The following POSTN variants were observed in gnomAD, a reference collection of about 807,000 sequenced individuals.
POSTN encodes the protein osteoblast specific factor 2 (fasciclin I-like).
POSTN carries 71 observed loss-of-function variants against 104.5 expected under a neutral mutation model. That is an observed-to-expected ratio of 0.68 (90% CI 0.56 to 0.83). The LOEUF (loss-of-function observed/expected upper bound fraction) is 0.83. Ranked by LOEUF, POSTN falls within the 40% of genes least tolerant of loss-of-function variation. The pLI is 0.00. For synonymous variants in POSTN, 355 were observed against 340.7 expected, an observed-to-expected ratio of 1.04 and a Z score of -0.46; for missense variants, 949 against 1,006.8, an observed-to-expected ratio of 0.94 and a Z score of 0.78.
At chr13:37,565,234 T>C (rs1413096163) in intron 21 of POSTN, 1 of 152,056 alleles carries the variant, frequency 6.6e-6, no homozygotes, top group East Asian at 1.9e-4. Flanking sequence ...TATGCTGTTT[T>C]GTGTTGTTAT....
At position 37,567,235 on chromosome 13, in the gene POSTN, C is replaced by CAA. The variant is rs71093694; in HGVS notation, c.2431+2063_2431+2064dup. 2.2e-4 allele frequency among the ~76,000 whole-genome samples: 8 copies of CAA among 36,920 alleles called. 1 individual carries two copies. The highest frequency in any genetic ancestry group is 0.033 in the Middle Eastern group (2 of 60). The allele number at this position is 36,920 out of a possible 152,430, so 24.2% of individuals were successfully genotyped here. On this transcript the variant is annotated intron_variant, in intron 21 of 22. Transcript: ENST00000379747. ...TGGGCGACAGAGCGAGACTCCGTCTCAAAAAAAAAAAAAAAAAATGTACTA... is the reference window on the plus strand; with the variant it reads ...TGGGCGACAGAGCGAGACTCCGTCTCAAAAAAAAAAAAAAAAAAAATGTACTA...
At position 37,590,505 on chromosome 13, in the gene POSTN, C is replaced by T. The variant is rs1166394324; in HGVS notation, c.308G>A (p.Gly103Asp). Residue 103 changes from glycine to aspartate, a missense_variant, in exon 4 of 23, where the codon GGC becomes GAC. Physicochemically the swap from Gly to Asp is moderately conservative, Grantham distance 94. Transcript: ENST00000379747. ...PAVLPIDHVY[G>D]TLGIVGATTT... The stretch of plus-strand genomic sequence containing the variant: ...GGTGGCTCCCACGATGCCCAGAGTG[C>T]CATAAACATGGTCAATGGGCAAAAC... The T allele has an allele frequency of 3.7e-6, 6 of 1,612,154 alleles. No homozygotes were observed. The highest frequency in any genetic ancestry group is 5.1e-6 in the Non-Finnish European group (6 of 1,178,874).
chr13:37,593,390 C>A (rs1204796360), intron 2 of POSTN, among the ~76,000 whole-genome samples: 2 of 150,730 alleles, frequency 1.3e-5, no homozygotes, highest in African/African-American at 4.9e-5. Context: ...ACATAGGTAG[C>A]CTATTTTAAC....
rs2138196689 is a variant in POSTN, at chr13:37,572,537, A to G, written c.2090-1079T>C. On this transcript the variant is annotated intron_variant, in intron 17 of 22. Transcript: ENST00000379747. ...AAAAATGCGTTAATAAAATATCTAAATCAATATTTCTTTAGAAAAGCCAAA... is the reference window on the plus strand; with the variant it reads ...AAAAATGCGTTAATAAAATATCTAAGTCAATATTTCTTTAGAAAAGCCAAA... 1.3e-5 allele frequency among the ~76,000 whole-genome samples: 2 copies of G among 151,746 alleles called. 1 individual carries two copies. The highest frequency in any genetic ancestry group is 4.1e-4 in the South Asian group (2 of 4,834).
intron 1 of POSTN, among the ~76,000 whole-genome samples, chr13:37,597,718 T>C (rs528731698): frequency 4.6e-5 from 7 of 152,164 alleles, no homozygotes; most frequent in Non-Finnish European, 8.8e-5. Context: ...ACAAGGTTTA[T>C]TATGTACACA....
chr13:37,590,945 C>G (rs2138367097), intron 3 of POSTN, among the ~76,000 whole-genome samples: 1 of 152,220 alleles, frequency 6.6e-6, no homozygotes, highest in African/African-American at 2.4e-5. Flanking sequence ...TTAAAATATT[C>G]AATCCTTCCA....
chr13:37,571,571 T>C, intron 17 of POSTN, 113 bp from the exon 18 acceptor site: 2 of 703,934 alleles, frequency 2.8e-6, no homozygotes, highest in Non-Finnish European at 4.7e-6. Flanking sequence ...GTCAAAGTGG[T>C]TTCAGGCTCT....
At chr13:37,571,638 A>G (rs1950265721) in intron 17 of POSTN, 180 bp from the exon 18 acceptor site, 2 of 506,018 alleles carry the variant, frequency 4.0e-6, no homozygotes, top group Non-Finnish European at 6.9e-6. Flanking sequence ...AGTTATGAGA[A>G]CAAATGATTT....
chr13:37,585,474 G>A (rs1368447210), intron 7 of POSTN, among the ~76,000 whole-genome samples: 1 of 152,200 alleles, frequency 6.6e-6, no homozygotes, highest in Non-Finnish European at 1.5e-5. Context: ...TATATAACAT[G>A]TAATGAGGTC....
At chr13:37,580,084 G>A in intron 11 of POSTN, 93 bp from the exon 12 acceptor site, 1 of 1,210,754 alleles carries the variant, frequency 8.3e-7, no homozygotes, top group South Asian at 1.6e-5. Flanking sequence ...CATGTATTGT[G>A]GAAAGCATGA....
chr13:37,577,581 G>T (rs945663889), intron 16 of POSTN, among the ~76,000 whole-genome samples, 172 bp downstream of exon 16: 5 of 152,092 alleles, frequency 3.3e-5, no homozygotes, highest in African/African-American at 1.2e-4. Context: ...GAAGTTCATT[G>T]GAGTTGAAGG....
chr13:37,590,947 A>G (rs561503949), intron 3 of POSTN, among the ~76,000 whole-genome samples: 7 of 152,284 alleles, frequency 4.6e-5, no homozygotes, highest in South Asian at 4.1e-4. Context: ...AAAATATTCA[A>G]TCCTTCCAGA....
chr13:37,587,045 A>C, intron 5 of POSTN, 117 bp from the exon 6 acceptor site: 2 of 843,836 alleles, frequency 2.4e-6, no homozygotes, highest in Non-Finnish European at 3.7e-6. Flanking sequence ...ACAGGAAACT[A>C]CATTGTAAAT....
chr13:37,580,105 C>A, intron 11 of POSTN, 114 bp from the exon 12 acceptor site: 1 of 925,372 alleles, frequency 1.1e-6, no homozygotes. Context: ...GAGAACTGCT[C>A]ATACATTTTC....
intron 3 of POSTN, among the ~76,000 whole-genome samples, chr13:37,591,391 C>T (rs1333687354): frequency 6.6e-6 from 1 of 152,052 alleles, no homozygotes. Flanking sequence ...CAAGGTGTCC[C>T]CAAATCAGGT....
chr13:37,579,437 T>C, intron 12 of POSTN, 78 bp from the exon 13 acceptor site: 1 of 1,174,022 alleles, frequency 8.5e-7, no homozygotes. Context: ...CACTTATTAG[T>C]CTTTATCTTT....
Position 37,574,616 on chromosome 13 carries a change from AT to A in POSTN, c.2044del (p.Ile682LeufsTer3). On this transcript the variant is annotated frameshift_variant, in exon 17 of 23. Coordinates refer to ENST00000379747, the MANE Select transcript of POSTN (RefSeq NM_006475.3). LOFTEE classifies it high-confidence loss of function. Reference protein sequence around the residue: ...KIITKVVEPKIKVIEGSLQPI... With the variant: ...KIITKVVEPKXKVIEGSLQPI... The stretch of plus-strand genomic sequence containing the variant: ...CTGAAGACTGCCTTCAATCACTTTA[AT>A]TTTTGGTTCCACAACTTTGGTTATA... 1.2e-6 allele frequency: 2 copies of A among 1,600,410 alleles called. No homozygotes were observed. Among genetic ancestry groups the A allele is most frequent in the South Asian group, 1.1e-5 (1 of 87,890 alleles).
At chr13:37,588,169 T>C (rs1249939431) in intron 4 of POSTN, among the ~76,000 whole-genome samples, 183 bp from the exon 5 acceptor site, 2 of 152,146 alleles carry the variant, frequency 1.3e-5, no homozygotes, top group Non-Finnish European at 2.9e-5. Flanking sequence ...TAAGTTCAGA[T>C]ACTTACTTAA....
At chr13:37,588,082 T>G (rs962878849) in intron 4 of POSTN, 96 bp from the exon 5 acceptor site, 1 of 991,896 alleles carries the variant, frequency 1.0e-6, no homozygotes, top group African/African-American at 1.7e-5. Flanking sequence ...TATTTTCTCA[T>G]TTCATTATCA....
Sources: allele counts gnomAD v4.1 joint callset (sites outside exome capture counted in the v4.1 genomes callset), GRCh38; gene constraint gnomAD v4.1.1; transcripts MANE v1.5; gene names NCBI Gene and HGNC (gene_info 2026-07-23, HGNC 2026-07-21).